TSPAN9: variants seen among roughly 807,000 people sequenced by gnomAD.
The protein encoded by TSPAN9 is tetraspanin 9.
A neutral mutation model predicts 31.0 loss-of-function variants in TSPAN9; 16 were observed. The ratio of observed to expected loss-of-function variants is 0.52; its 90% CI spans 0.35 to 0.78. The LOEUF is 0.78. Among genes scored for constraint, TSPAN9 ranks in the 30% least tolerant of loss-of-function variants. The probability of loss-of-function intolerance (pLI) is 0.01; values close to 1 mark genes in which losing one functional copy is unlikely to be tolerated. For synonymous variants in TSPAN9, 145 were observed against 121.6 expected (o/e 1.19, Z -1.27); for missense variants, 272 against 312.5 (o/e 0.87, Z 0.98).
chr12:3,095,591 C>T, intron 2 of TSPAN9, among the ~76,000 whole-genome samples: 1 of 129,422 alleles, frequency 7.7e-6, no homozygotes, highest in South Asian at 2.4e-4. Flanking sequence ...CAGAGGCGCC[C>T]CTCACCTCCC....
chr12:3,226,483 A>G (rs2098387174), intron 3 of TSPAN9, among the ~76,000 whole-genome samples: 1 of 151,278 alleles, frequency 6.6e-6, no homozygotes, highest in Non-Finnish European at 1.5e-5. Context: ...TCTGGGTAAA[A>G]TGCTGACTGC....
At chr12:3,229,400 C>T (rs759121874) in intron 3 of TSPAN9, among the ~76,000 whole-genome samples, 2 of 152,238 alleles carry the variant, frequency 1.3e-5, no homozygotes, top group African/African-American at 2.4e-5. Flanking sequence ...CCTCACTCTG[C>T]CTTCTTTCCT....
chr12:3,240,141 T>C lies in TSPAN9; in HGVS notation c.64-38280T>C, dbSNP rs139836890. On this transcript the variant is annotated intron_variant, in intron 3 of 8. Transcript: ENST00000011898. ...CCCGGCCTCCACAACCTTCCATTCC[T>C]TTATTTCCTCTACTTTCACCCCCTG... Among the ~76,000 whole-genome samples, 312 of 152,310 alleles carry C rather than the reference T, an allele frequency of 2.0e-3. 1 individual carries two copies. Among genetic ancestry groups the C allele is most frequent in the African/African-American group, 7.0e-3 (289 of 41,578 alleles).
chr12:3,177,624 G>A (rs1034284571), intron 2 of TSPAN9, among the ~76,000 whole-genome samples: 1 of 152,144 alleles, frequency 6.6e-6, no homozygotes, highest in Non-Finnish European at 1.5e-5. Context: ...GTAGAGATGG[G>A]GTTTTGCCAT....
intron 1 of TSPAN9, among the ~76,000 whole-genome samples, chr12:3,079,265 C>G (rs1215673181): frequency 1.3e-5 from 2 of 152,132 alleles, no homozygotes; most frequent in African/African-American, 4.8e-5. Context: ...AGGCGTGAGC[C>G]ACCGCATTGG....
chr12:3,081,834 G>GTATATATATATATATATATA (rs1477420908), intron 1 of TSPAN9, among the ~76,000 whole-genome samples: 6 of 75,784 alleles, frequency 7.9e-5, no homozygotes, highest in Admixed American at 6.3e-4. Flanking sequence ...GTGTGTGTGT[G>GTATATATATATATATATATA]TCTGTGTGTG....
chr12:3,244,541 T>C (rs1021357881), intron 3 of TSPAN9, among the ~76,000 whole-genome samples: 10 of 152,176 alleles, frequency 6.6e-5, no homozygotes, highest in Non-Finnish European at 1.5e-4. Context: ...CTCTGAAGAA[T>C]GGCCTGGCGA....
intron 3 of TSPAN9, among the ~76,000 whole-genome samples, chr12:3,233,926 G>A (rs182360213): frequency 3.9e-4 from 59 of 152,326 alleles, no homozygotes; most frequent in Admixed American, 1.0e-3. Flanking sequence ...TATTTCCCAA[G>A]CTGAGTAGCA....
chr12:3,154,725 CTTTTG>C (rs1478618998), intron 2 of TSPAN9, among the ~76,000 whole-genome samples: 2 of 152,200 alleles, frequency 1.3e-5, no homozygotes, highest in Non-Finnish European at 2.9e-5. Flanking sequence ...AGACATGATT[CTTTTG>C]TTTTAAGTAA....
At chr12:3,109,188 G>A (rs1464860335) in intron 2 of TSPAN9, among the ~76,000 whole-genome samples, 61 of 151,394 alleles carry the variant, frequency 4.0e-4, no homozygotes, top group Non-Finnish European at 2.9e-4. Flanking sequence ...CGCCCGCCTT[G>A]GCCTCCCAGA....
At chr12:3,259,093 G>T (rs530024384) in intron 3 of TSPAN9, among the ~76,000 whole-genome samples, 1 of 152,224 alleles carries the variant, frequency 6.6e-6, no homozygotes, top group Non-Finnish European at 1.5e-5. Flanking sequence ...TGCTTATTTA[G>T]CCTATTAGTT....
chr12:3,194,691 T>G (rs930142539), intron 2 of TSPAN9, among the ~76,000 whole-genome samples: 1 of 152,190 alleles, frequency 6.6e-6, no homozygotes, highest in Non-Finnish European at 1.5e-5. Context: ...CTGGCCTTTC[T>G]TTTCTTTACT....
At chr12:3,269,558 G>A (rs1414679981) in intron 3 of TSPAN9, among the ~76,000 whole-genome samples, 2 of 140,458 alleles carry the variant, frequency 1.4e-5, no homozygotes, top group Admixed American at 7.0e-5. Flanking sequence ...CCCTCTCTGT[G>A]TTCCTGCAGC....
At chr12:3,234,535 G>T (rs1042420947) in intron 3 of TSPAN9, among the ~76,000 whole-genome samples, 2 of 152,152 alleles carry the variant, frequency 1.3e-5, no homozygotes, top group African/African-American at 4.8e-5. Context: ...CATCTTTCCC[G>T]TTCCTTACCT....
chr12:3,268,588 GCA>G lies in TSPAN9; in HGVS notation c.64-9832_64-9831del, dbSNP rs1490264740. 9.4e-4 allele frequency among the ~76,000 whole-genome samples: 122 copies of G among 129,656 alleles called. 1 individual carries two copies. The highest frequency in any genetic ancestry group is 3.0e-3 in the African/African-American group (96 of 32,446). 85.1% of individuals were successfully genotyped at this position (129,656 alleles called of 152,430 possible). ...TGTGTTCCTGCAGCCTGCCCTCCGT[GCA>G]TTCCTGCAGCCTGCCCTCCCTGTGT... On this transcript the variant is annotated intron_variant, in intron 3 of 8. Coordinates refer to ENST00000011898, the MANE Select transcript of TSPAN9 (RefSeq NM_006675.5).
intron 3 of TSPAN9, among the ~76,000 whole-genome samples, chr12:3,248,719 A>C (rs1862187173): frequency 6.6e-6 from 1 of 152,102 alleles, no homozygotes; most frequent in South Asian, 2.1e-4. Flanking sequence ...TCCCCAAAAG[A>C]ATTTGACTTT....
At chr12:3,084,908 C>G (rs2098299655) in intron 2 of TSPAN9, among the ~76,000 whole-genome samples, 1 of 152,214 alleles carries the variant, frequency 6.6e-6, no homozygotes. Context: ...CCTCCCTGAG[C>G]CTGCTTGTGG....
chr12:3,134,896 C>A (rs1356079654), intron 2 of TSPAN9, among the ~76,000 whole-genome samples: 2 of 152,016 alleles, frequency 1.3e-5, no homozygotes, highest in Admixed American at 1.3e-4. Flanking sequence ...GGCACATCAT[C>A]CATGTATAGA....
chr12:3,174,737 C>T lies in TSPAN9; in HGVS notation c.-17-26440C>T, dbSNP rs537326813. Among the ~76,000 whole-genome samples the T allele has an allele frequency of 1.1e-3, 161 of 140,482 alleles. 1 individual carries two copies. Among genetic ancestry groups the T allele is most frequent in the Non-Finnish European group, 2.1e-3 (131 of 61,822 alleles). 92.2% of individuals were successfully genotyped at this position (140,482 alleles called of 152,430 possible). A position where few individuals can be genotyped will look rare whatever the true frequency, so the allele number is the denominator to read the frequency against. ...AGCTGGGACTACAGGCGCCCACCAC[C>T]GCGCCCGGCTAATTTTTTGTATTTT... On this transcript the variant is annotated intron_variant, in intron 2 of 8. Transcript: ENST00000011898.
Sources: gnomAD v4.1 joint callset for allele counts (sites outside exome capture counted in the v4.1 genomes callset) on GRCh38, gnomAD v4.1.1 for gene constraint, MANE v1.5 for transcripts, NCBI Gene and HGNC (gene_info 2026-07-23, HGNC 2026-07-21) for gene names.